The following SLC25A18 variants were observed in gnomAD, a reference collection of about 807,000 sequenced individuals.
The protein encoded by SLC25A18 is solute carrier family 25 member 18, also known as mitochondrial glutamate carrier 2.
SLC25A18 carries 24 observed loss-of-function variants against 31.1 expected under a neutral mutation model. The observed-to-expected ratio is 0.77, with a 90% confidence interval of 0.56 to 1.08. The LOEUF (loss-of-function observed/expected upper bound fraction) is 1.08. Among genes scored for constraint, SLC25A18 ranks in the 50% least tolerant of loss-of-function variants. SLC25A18 has a pLI of 0.00. For synonymous variants in SLC25A18, 173 were observed against 161.9 expected (o/e 1.07, Z -0.52); for missense variants, 371 against 418.5 (o/e 0.89, Z 0.99).
At chr22:17,575,892 C>T (rs1371924717) in intron 2 of SLC25A18, among the ~76,000 whole-genome samples, 2 of 152,194 alleles carry the variant, frequency 1.3e-5, no homozygotes, top group African/African-American at 4.8e-5. Context: ...TGCTGCATCC[C>T]AAGGCGGTGA....
intron 1 of SLC25A18, among the ~76,000 whole-genome samples, chr22:17,567,074 A>T (rs2056956607): frequency 6.6e-6 from 1 of 152,204 alleles, no homozygotes; most frequent in Non-Finnish European, 1.5e-5. Context: ...AGGTGAGAGG[A>T]TGGCTTGAGC....
intron 3 of SLC25A18, chr22:17,580,630 G>A (rs1041531062): frequency 2.0e-6 from 2 of 1,001,378 alleles, no homozygotes; most frequent in South Asian, 4.6e-5. Context: ...GAGAGGAGAG[G>A]TCACAGTCAG....
At chr22:17,571,042 C>T (rs2057074324) in intron 2 of SLC25A18, among the ~76,000 whole-genome samples, 1 of 151,978 alleles carries the variant, frequency 6.6e-6, no homozygotes, top group Non-Finnish European at 1.5e-5. Flanking sequence ...GTGCAAGACT[C>T]GGAAGCAAGA....
intron 10 of SLC25A18, 147 bp downstream of exon 10, chr22:17,589,812 A>C: frequency 1.2e-6 from 1 of 805,588 alleles, no homozygotes; most frequent in South Asian, 1.7e-5. Context: ...AAGAAAACAG[A>C]ATGTACTGGG....
intron 1 of SLC25A18, among the ~76,000 whole-genome samples, chr22:17,564,972 G>A (rs562788355): frequency 1.3e-5 from 2 of 152,248 alleles, no homozygotes; most frequent in Admixed American, 1.3e-4. Context: ...ACTCAGGAGG[G>A]TGAGGTGGGT....
chr22:17,571,230 C>G (rs914664883), intron 2 of SLC25A18, among the ~76,000 whole-genome samples: 3 of 152,150 alleles, frequency 2.0e-5, no homozygotes, highest in African/African-American at 7.2e-5. Context: ...AGGCAAGGAG[C>G]TGAGTTAGGA....
intron 2 of SLC25A18, among the ~76,000 whole-genome samples, chr22:17,570,571 G>T (rs409842): frequency 0.33 from 49,958 of 152,044 alleles, 8,449 homozygotes; most frequent in South Asian, 0.4. Flanking sequence ...CGCAACCTCC[G>T]CCTCCTGGGT....
chr22:17,579,476 G>A (rs896118238), intron 2 of SLC25A18, among the ~76,000 whole-genome samples: 1 of 152,096 alleles, frequency 6.6e-6, no homozygotes. Context: ...CATCCCTTCT[G>A]CTTCCTCCAG....
chr22:17,583,877 G>A (rs1261868066), intron 7 of SLC25A18, among the ~76,000 whole-genome samples: 1 of 152,032 alleles, frequency 6.6e-6, no homozygotes, highest in Non-Finnish European at 1.5e-5. Flanking sequence ...CTGGGAGGCA[G>A]AGGTTGCTGT....
In SLC25A18 at chr22:17,582,605, T is replaced by C; in HGVS notation, c.242T>C (p.Ile81Thr). The C allele has an allele frequency of 6.2e-7, 1 of 1,605,574 alleles. No homozygotes were observed. Among genetic ancestry groups the C allele is most frequent in the Non-Finnish European group, 8.5e-7 (1 of 1,175,680 alleles). The stretch of plus-strand genomic sequence containing the variant: ...ACTCTGGTCACTCCAGAGAAGGCCA[T>C]CAAGCTGGCGGCCAACGACTTTTTC... ...NLTLVTPEKA[I>T]KLAANDFFRR... Residue 81 changes from isoleucine to threonine, a missense_variant, in exon 6 of 11, where the codon ATC (isoleucine) becomes ACC (threonine). Ile to Thr is a moderately conservative substitution (Grantham distance 89). Coordinates refer to ENST00000327451, the MANE Select transcript of SLC25A18 (RefSeq NM_031481.3).
In SLC25A18 at chr22:17,590,316, T is replaced by TGGGGCCACTCTGGCCTGCC; in HGVS notation, c.*81_*99dup. The TGGGGCCACTCTGGCCTGCC allele has an allele frequency of 6.3e-7, 1 of 1,577,824 alleles. No individual in the cohort carries two copies. The highest frequency in any genetic ancestry group is 8.7e-7 in the Non-Finnish European group (1 of 1,155,296). On this transcript the variant is annotated 3_prime_UTR_variant, in exon 11 of 11. Coordinates refer to ENST00000327451, the MANE Select transcript of SLC25A18 (RefSeq NM_031481.3). ...TTAGCCTAGAGGGGGCAAGGGCAGG[T>TGGGGCCACTCTGGCCTGCC]GGGGCCACTCTGGCCTGCCTGGTCC...
At chr22:17,568,304 T>C (rs974213161) in intron 1 of SLC25A18, among the ~76,000 whole-genome samples, 1 of 150,506 alleles carries the variant, frequency 6.6e-6, no homozygotes, top group Non-Finnish European at 1.5e-5. Flanking sequence ...GAGGCTGAGC[T>C]TGCAGTGAGC....
At chr22:17,587,366 G>C in intron 8 of SLC25A18, 65 bp downstream of exon 8, 1 of 1,529,070 alleles carries the variant, frequency 6.5e-7, no homozygotes, top group Non-Finnish European at 8.8e-7. Context: ...CAGAGAGCTG[G>C]TTGTCCCTAT....
Position 17,590,312 on chromosome 22 carries a change from C to T in SLC25A18, c.*76C>T. The T allele has an allele frequency of 6.3e-7, 1 of 1,582,758 alleles. No individual in the cohort carries two copies. On this transcript the variant is annotated 3_prime_UTR_variant, in exon 11 of 11. Transcript: ENST00000327451. The stretch of plus-strand genomic sequence containing the variant: ...TCACTTAGCCTAGAGGGGGCAAGGG[C>T]AGGTGGGGCCACTCTGGCCTGCCTG...
intron 10 of SLC25A18, 115 bp from the exon 11 acceptor site, chr22:17,589,980 T>C (rs2057673023): frequency 2.8e-6 from 4 of 1,434,954 alleles, no homozygotes; most frequent in Non-Finnish European, 2.8e-6. Flanking sequence ...CCTCTTGCTC[T>C]TGTTGTGGAA....
chr22:17,582,594 A>G lies in SLC25A18; in HGVS notation c.231A>G (p.Pro77=). ...CAGTGAACCTCACTCTGGTCACTCC[A>G]GAGAAGGCCATCAAGCTGGCGGCCA... The part of the protein sequence containing the change: ...GAAVNLTLVT[P]EKAIKLAAND... The change falls in exon 6 of 11, where the codon CCA becomes CCG. Residue 77 remains proline, a synonymous_variant. Transcript: ENST00000327451. The G allele has an allele frequency of 6.2e-7, 1 of 1,604,212 alleles. No individual in the cohort carries two copies. The highest frequency in any genetic ancestry group is 1.3e-5 in the African/African-American group (1 of 74,932).
intron 2 of SLC25A18, among the ~76,000 whole-genome samples, chr22:17,572,793 C>T (rs111952667): frequency 0.42 from 60,384 of 143,488 alleles, 13,514 homozygotes; most frequent in African/African-American, 0.64. Flanking sequence ...AGGCGCCCGC[C>T]ACCACGCCCG....
At position 17,582,576 on chromosome 22, in the gene SLC25A18, CCTCA is replaced by C. The variant is rs767992313; in HGVS notation, c.217_220del (p.Thr73TrpfsTer29). ...CTTCACTTCCAGGGGCTGCAGTGAA[CCTCA>C]CTCTGGTCACTCCAGAGAAGGCCAT... On this transcript the variant is annotated frameshift_variant, in exon 6 of 11. Coordinates refer to ENST00000327451, the MANE Select transcript of SLC25A18 (RefSeq NM_031481.3). LOFTEE classifies it high-confidence loss of function. The C allele has an allele frequency of 6.3e-7, 1 of 1,599,160 alleles. No individual in the cohort carries two copies. The highest frequency in any genetic ancestry group is 1.1e-5 in the South Asian group (1 of 88,428).
In SLC25A18 at chr22:17,579,973, G is replaced by C; in HGVS notation, c.20+9G>C. On this transcript the variant is annotated intron_variant, in intron 3 of 10. Transcript: ENST00000327451. ...ACCCACCAGGATCTGAGGTGAGCTC[G>C]GCTGGGGCAGCCTGAGGCCCTGGGC... The C allele has an allele frequency of 6.2e-7, 1 of 1,609,496 alleles. No homozygotes were observed. The highest frequency in any genetic ancestry group is 8.5e-7 in the Non-Finnish European group (1 of 1,178,486).
Sources: allele counts gnomAD v4.1 joint callset (sites outside exome capture counted in the v4.1 genomes callset), GRCh38; gene constraint gnomAD v4.1.1; transcripts MANE v1.5; gene names NCBI Gene and HGNC (gene_info 2026-07-23, HGNC 2026-07-21).